SHISA6: variants seen among roughly 807,000 people sequenced by gnomAD.
SHISA6 encodes the protein protein shisa-6.
Under a neutral mutation model 47.9 loss-of-function variants are expected in SHISA6, and 22 were observed. That is an observed-to-expected ratio of 0.46 (90% CI 0.33 to 0.66). The LOEUF is 0.66. SHISA6 is among the 30% of genes least tolerant of loss of function. SHISA6 has a pLI of 0.02. For missense variants in SHISA6, 680 were observed against 764.6 expected, an observed-to-expected ratio of 0.89 and a Z score of 1.30; for synonymous variants, 388 against 337.8, an observed-to-expected ratio of 1.15 and a Z score of -1.63.
At chr17:11,502,548 G>A (rs904329052) in intron 3 of SHISA6, among the ~76,000 whole-genome samples, 4 of 151,372 alleles carry the variant, frequency 2.6e-5, no homozygotes, top group African/African-American at 7.3e-5. Flanking sequence ...CCAACAAGGT[G>A]AAACCCCTTC....
At chr17:11,354,128 A>G (rs1288194034) in intron 2 of SHISA6, among the ~76,000 whole-genome samples, 2 of 152,190 alleles carry the variant, frequency 1.3e-5, no homozygotes, top group Non-Finnish European at 2.9e-5. Flanking sequence ...GTCTCCGGAC[A>G]TTGAAAAATA....
At chr17:11,500,290 C>T (rs1002990954) in intron 3 of SHISA6, among the ~76,000 whole-genome samples, 13 of 152,164 alleles carry the variant, frequency 8.5e-5, no homozygotes, top group African/African-American at 2.9e-4. Context: ...AAAGCAGCGT[C>T]GTGGTGCCCC....
At chr17:11,321,532 T>C (rs1567572123) in intron 2 of SHISA6, among the ~76,000 whole-genome samples, 1 of 152,238 alleles carries the variant, frequency 6.6e-6, no homozygotes, top group Non-Finnish European at 1.5e-5. Context: ...CAAAAACGTA[T>C]AGGTAGGTCT....
At chr17:11,373,804 T>C (rs1912702616) in intron 2 of SHISA6, among the ~76,000 whole-genome samples, 1 of 152,258 alleles carries the variant, frequency 6.6e-6, no homozygotes, top group African/African-American at 2.4e-5. Flanking sequence ...GACTTTTCTC[T>C]GGCTGGGAAG....
chr17:11,373,742 C>T (rs1200221728), intron 2 of SHISA6, among the ~76,000 whole-genome samples: 1 of 152,170 alleles, frequency 6.6e-6, no homozygotes, highest in Non-Finnish European at 1.5e-5. Context: ...AATTTCATTA[C>T]ATTTCATTTG....
At chr17:11,415,496 G>A (rs571605132) in intron 3 of SHISA6, among the ~76,000 whole-genome samples, 4 of 152,330 alleles carry the variant, frequency 2.6e-5, no homozygotes, top group Non-Finnish European at 4.4e-5. Flanking sequence ...CTGTGTGAGA[G>A]CCAAAATAAT....
At chr17:11,341,734 T>C (rs1466235799) in intron 2 of SHISA6, among the ~76,000 whole-genome samples, 1 of 152,178 alleles carries the variant, frequency 6.6e-6, no homozygotes, top group Non-Finnish European at 1.5e-5. Context: ...ACAGCCTGGC[T>C]GCAGGGTGCT....
intron 2 of SHISA6, among the ~76,000 whole-genome samples, chr17:11,332,484 C>T (rs1226948171): frequency 6.6e-6 from 1 of 152,116 alleles, no homozygotes; most frequent in South Asian, 2.1e-4. Context: ...CTTTTGAAAA[C>T]GCTCCTTTGT....
intron 2 of SHISA6, among the ~76,000 whole-genome samples, chr17:11,369,969 C>T (rs1371425633): frequency 6.6e-6 from 1 of 152,152 alleles, no homozygotes; most frequent in Non-Finnish European, 1.5e-5. Context: ...GACTTTAGTC[C>T]CCACTTAACA....
chr17:11,270,555 A>G (rs771268102), intron 2 of SHISA6, among the ~76,000 whole-genome samples: 4 of 152,198 alleles, frequency 2.6e-5, no homozygotes, highest in East Asian at 1.9e-4. Context: ...CAGATCGTCA[A>G]TATTTTAGGC....
chr17:11,405,891 C>T (rs1252820645), intron 3 of SHISA6, among the ~76,000 whole-genome samples: 3 of 152,124 alleles, frequency 2.0e-5, no homozygotes, highest in Non-Finnish European at 4.4e-5. Context: ...TTCAGCTGCT[C>T]AACTCCAAAC....
At chr17:11,383,113 T>A (rs886246660) in intron 3 of SHISA6, among the ~76,000 whole-genome samples, 7 of 151,932 alleles carry the variant, frequency 4.6e-5, no homozygotes, top group Admixed American at 3.9e-4. Flanking sequence ...AATTTTTGTA[T>A]TTTTAGTAGA....
intron 2 of SHISA6, among the ~76,000 whole-genome samples, chr17:11,327,105 A>G (rs1472988944): frequency 6.6e-6 from 1 of 152,172 alleles, no homozygotes; most frequent in African/African-American, 2.4e-5. Context: ...GTCCAAATAA[A>G]TGCTGTTGAG....
At chr17:11,546,892 G>T (rs1012025267) in intron 3 of SHISA6, among the ~76,000 whole-genome samples, 12 of 151,746 alleles carry the variant, frequency 7.9e-5, no homozygotes, top group Non-Finnish European at 1.2e-4. Context: ...CGGCGCCACT[G>T]TACTCCAGCC....
chr17:11,241,961 T>C lies in SHISA6; in HGVS notation c.539T>C (p.Ile180Thr). Reference sequence around the variant, plus strand: ...GACAAGACCAACTTCACCGTCTACATCACCTGCGGGGTGATCGCCTTCGTC... The same window carrying C: ...GACAAGACCAACTTCACCGTCTACACCACCTGCGGGGTGATCGCCTTCGTC... ...EKDKTNFTVY[I>T]TCGVIAFVIV... Residue 180 changes from isoleucine (I) to threonine (T), a missense_variant, in exon 1 of 6, where the codon ATC becomes ACC. Physicochemically the swap from Ile to Thr is moderately conservative, Grantham distance 89. Around this residue, in one of 2 missense-constraint regions of SHISA6, gnomAD observed 559 missense variants for 674.1 expected, o/e 0.83. Coordinates refer to ENST00000441885, the MANE Select transcript of SHISA6 (RefSeq NM_207386.4). The surrounding 1 kb of genome is among the most constrained non-coding windows in gnomAD (Gnocchi z 5.5). The C allele has an allele frequency of 6.4e-7, 1 of 1,550,964 alleles. No individual in the cohort carries two copies. Among genetic ancestry groups the C allele is most frequent in the South Asian group, 1.2e-5 (1 of 84,054 alleles).
chr17:11,388,609 C>G (rs1403911691), intron 3 of SHISA6, among the ~76,000 whole-genome samples: 1 of 151,472 alleles, frequency 6.6e-6, no homozygotes, highest in Non-Finnish European at 1.5e-5. Flanking sequence ...CACACACAGG[C>G]TCTCCCTAAG....
At chr17:11,459,046 C>G (rs545400108) in intron 3 of SHISA6, among the ~76,000 whole-genome samples, 1 of 125,798 alleles carries the variant, frequency 7.9e-6, no homozygotes, top group East Asian at 2.3e-4. Flanking sequence ...CCCGTCTCTA[C>G]TAAAAAAAAA....
At chr17:11,400,260 C>T (rs1913719522) in intron 3 of SHISA6, among the ~76,000 whole-genome samples, 1 of 152,278 alleles carries the variant, frequency 6.6e-6, no homozygotes, top group South Asian at 2.1e-4. Context: ...AAGGGAGAAA[C>T]TGACGTTCGT....
intron 2 of SHISA6, among the ~76,000 whole-genome samples, chr17:11,337,077 C>T (rs1276085613): frequency 6.6e-6 from 1 of 152,180 alleles, no homozygotes; most frequent in Non-Finnish European, 1.5e-5. Context: ...TGGAGCCCTA[C>T]ATCTTCCTTA....
Sources: gnomAD v4.1 joint callset for allele counts (sites outside exome capture counted in the v4.1 genomes callset) on GRCh38, gnomAD v4.1.1 for gene constraint, gnomAD v4.1.1 regional missense constraint, Gnocchi (gnomAD v3.1) non-coding constraint, MANE v1.5 for transcripts, NCBI Gene and HGNC (gene_info 2026-07-23, HGNC 2026-07-21) for gene names.